The following CADPS variants were observed in gnomAD, a reference collection of about 807,000 sequenced individuals.
The protein encoded by CADPS is calcium-dependent secretion activator 1.
In CADPS, 57 loss-of-function variants were observed where a neutral mutation model predicts 167.3. The ratio of observed to expected loss-of-function variants is 0.34; its 90% CI spans 0.28 to 0.42. The LOEUF (loss-of-function observed/expected upper bound fraction) is 0.42. CADPS is among the 20% of genes least tolerant of loss of function. The probability of loss-of-function intolerance (pLI) is 1.00; values close to 1 mark genes in which losing one functional copy is unlikely to be tolerated. For missense variants in CADPS, 1,414 were observed against 1,738.1 expected (o/e 0.81, Z 3.32); for synonymous variants, 676 against 635.3 (o/e 1.06, Z -0.96).
intron 1 of CADPS, among the ~76,000 whole-genome samples, chr3:62,801,746 T>C (rs999463501): frequency 6.6e-6 from 1 of 152,104 alleles, no homozygotes; most frequent in African/African-American, 2.4e-5. Context: ...TTACCCCGTT[T>C]TACGGATTAA....
intron 6 of CADPS, among the ~76,000 whole-genome samples, chr3:62,644,980 A>T (rs1402685180): frequency 1.3e-5 from 2 of 152,168 alleles, no homozygotes; most frequent in Non-Finnish European, 2.9e-5. Flanking sequence ...TTTCCACCAT[A>T]CAATAATACC....
Position 62,650,994 on chromosome 3 carries a change from G to C in CADPS, c.1056C>G (p.Ala352=). Residue 352 remains alanine, a synonymous_variant, in exon 5 of 30, where the codon GCC becomes GCG. Transcript: ENST00000383710. The part of the protein sequence containing the change: ...ELKSSVNLLM[A]NLESMPVSKG... Reference sequence around the variant, plus strand: ...TGGATACCGGCATGCTCTCCAAGTTGGCCATGAGCAGGTTGACAGATGACT... The same window carrying C: ...TGGATACCGGCATGCTCTCCAAGTTCGCCATGAGCAGGTTGACAGATGACT... 1 of 1,614,052 alleles carries C rather than the reference G, an allele frequency of 6.2e-7. No individual in the cohort carries two copies.
intron 6 of CADPS, among the ~76,000 whole-genome samples, chr3:62,643,643 C>G (rs1017914732): frequency 3.3e-5 from 5 of 152,152 alleles, no homozygotes; most frequent in Admixed American, 2.0e-4. Flanking sequence ...TAACTGAAAC[C>G]GTTGCATCTG....
chr3:62,832,891 G>A (rs304181), intron 1 of CADPS, among the ~76,000 whole-genome samples: 124,712 of 152,188 alleles, frequency 0.82, 51,348 homozygotes, highest in Middle Eastern at 0.89. Flanking sequence ...CTACAGATTT[G>A]GCTCCGCTTG....
chr3:62,616,552 T>C (rs1031253064), intron 6 of CADPS, among the ~76,000 whole-genome samples: 4 of 152,196 alleles, frequency 2.6e-5, no homozygotes, highest in Admixed American at 2.0e-4. Flanking sequence ...TTGCTGGTCA[T>C]GTCCAGGGAC....
chr3:62,419,873 A>G (rs1397882140), intron 28 of CADPS, among the ~76,000 whole-genome samples: 2 of 152,220 alleles, frequency 1.3e-5, no homozygotes, highest in East Asian at 1.9e-4. Context: ...GCCGTCTTAA[A>G]ACAGGGTTGG....
rs116744410 is a variant in CADPS at position 62,861,612 on chromosome 3, T to C, written c.441+12977A>G. Among the ~76,000 whole-genome samples, 1,136 of 152,334 alleles carry C rather than the reference T, an allele frequency of 7.5e-3. 7 individuals are homozygous for C. The highest frequency in any genetic ancestry group is 0.012 in the Non-Finnish European group (825 of 68,030). On this transcript the variant is annotated intron_variant, in intron 1 of 29. Transcript: ENST00000383710. ...TGTGAAGACATTTATATTCTTCTTT[T>C]CTCTCCTTTCCCCATAGCTTCCACA...
At position 62,438,165 on chromosome 3, in the gene CADPS, T is replaced by A; in HGVS notation, c.3716A>T (p.His1239Leu). ...VADAYVTFVR[H>L]SQDVLRDKVN... The stretch of plus-strand genomic sequence containing the variant: ...CTTATCACGCAGGACATCCTGAGAA[T>A]GGCGGACGAAAGTCACGTAGGCGTC... The change falls in exon 28 of 30, where the codon CAT becomes CTT. Residue 1239 changes from histidine to leucine, a missense_variant. Coordinates refer to ENST00000383710, the MANE Select transcript of CADPS (RefSeq NM_003716.4). The surrounding 1 kb of genome is among the most constrained non-coding windows in gnomAD (Gnocchi z 4.7). 1 of 1,613,800 alleles carries A rather than the reference T, an allele frequency of 6.2e-7. No homozygotes were observed. Among genetic ancestry groups the A allele is most frequent in the Non-Finnish European group, 8.5e-7 (1 of 1,179,730 alleles).
chr3:62,414,223 T>A (rs184548833), intron 28 of CADPS, among the ~76,000 whole-genome samples: 6 of 152,236 alleles, frequency 3.9e-5, no homozygotes, highest in African/African-American at 1.4e-4. Context: ...GACTCCCCTG[T>A]CCCTTATCCA....
At chr3:62,588,999 G>A (rs11130893) in intron 7 of CADPS, among the ~76,000 whole-genome samples, 1 of 151,974 alleles carries the variant, frequency 6.6e-6, no homozygotes, top group African/African-American at 2.4e-5. Flanking sequence ...GAAGGGATAC[G>A]AGGGTGAGAT....
chr3:62,570,912 A>G lies in CADPS; in HGVS notation c.1604T>C (p.Val535Ala). ...AAACCTTTTCTTCCATCTCTTCCAGACATTCTTACCGATGGCCCATAAATA... is the reference window on the plus strand; with the variant it reads ...AAACCTTTTCTTCCATCTCTTCCAGGCATTCTTACCGATGGCCCATAAATA... ...SGYLWAIGKN[V>A]WKRWKKRFFV... Residue 535 changes from valine to alanine, a missense_variant, in exon 9 of 30, where the codon GTC becomes GCC. Transcript: ENST00000383710. 2 of 1,610,978 alleles carry G rather than the reference A, an allele frequency of 1.2e-6. No homozygotes were observed.
chr3:62,789,014 T>C (rs1322075527), intron 1 of CADPS, among the ~76,000 whole-genome samples: 1 of 152,162 alleles, frequency 6.6e-6, no homozygotes. Context: ...ATCACAAAAA[T>C]ATGTTCTCCC....
chr3:62,406,731 G>C (rs1348704965), intron 28 of CADPS, among the ~76,000 whole-genome samples: 1 of 152,124 alleles, frequency 6.6e-6, no homozygotes, highest in Non-Finnish European at 1.5e-5. Context: ...TGCCCTCTGG[G>C]GAAAATTCTG....
At chr3:62,520,548 T>C (rs2070253681) in intron 13 of CADPS, among the ~76,000 whole-genome samples, 1 of 152,218 alleles carries the variant, frequency 6.6e-6, no homozygotes, top group African/African-American at 2.4e-5. Context: ...TAAATTTGCT[T>C]CTTGATCACC....
intron 10 of CADPS, among the ~76,000 whole-genome samples, chr3:62,556,876 T>C (rs1285939347): frequency 6.6e-6 from 1 of 151,798 alleles, no homozygotes; most frequent in East Asian, 1.9e-4. Context: ...GGGAGGGTTT[T>C]CAAGTGCTAC....
At chr3:62,526,753 A>T (rs1319056650) in intron 13 of CADPS, among the ~76,000 whole-genome samples, 1 of 152,168 alleles carries the variant, frequency 6.6e-6, no homozygotes, top group Non-Finnish European at 1.5e-5. Flanking sequence ...GTTCAGTTTT[A>T]AAAAGTTAGT....
chr3:62,756,436 G>C (rs1178008565), intron 2 of CADPS, among the ~76,000 whole-genome samples: 1 of 152,128 alleles, frequency 6.6e-6, no homozygotes, highest in African/African-American at 2.4e-5. Context: ...CCTTTTAACT[G>C]TAATGATTAT....
chr3:62,791,014 G>A (rs911881011), intron 1 of CADPS, among the ~76,000 whole-genome samples: 4 of 140,918 alleles, frequency 2.8e-5, no homozygotes, highest in East Asian at 2.2e-4. Context: ...AAAAAAATAC[G>A]TATTTATCAG....
intron 1 of CADPS, among the ~76,000 whole-genome samples, chr3:62,841,141 A>G (rs2076591487): frequency 6.6e-6 from 1 of 152,220 alleles, no homozygotes; most frequent in Non-Finnish European, 1.5e-5. Context: ...ATTGGCAAAT[A>G]TGTCCTCTGA....
Sources: gnomAD v4.1 joint callset for allele counts (sites outside exome capture counted in the v4.1 genomes callset) on GRCh38, gnomAD v4.1.1 for gene constraint, Gnocchi (gnomAD v3.1) non-coding constraint, MANE v1.5 for transcripts, NCBI Gene and HGNC (gene_info 2026-07-23, HGNC 2026-07-21) for gene names.